Variants in PPM1H observed in about 807,000 individuals in gnomAD.
The protein encoded by PPM1H is protein phosphatase, Mg2+/Mn2+ dependent 1H, also known as protein phosphatase 1H.
Under a neutral mutation model 54.9 loss-of-function variants are expected in PPM1H, and 27 were observed. The ratio of observed to expected loss-of-function variants is 0.49; its 90% confidence interval spans 0.36 to 0.68. PPM1H has a LOEUF of 0.68. PPM1H is among the 30% of genes least tolerant of loss of function. The pLI, the probability that PPM1H is intolerant of heterozygous loss-of-function variation, is 0.00. For synonymous variants in PPM1H, 305 were observed against 270.8 expected, an observed-to-expected ratio of 1.13 and a Z score of -1.24; for missense variants, 596 against 667.8, an observed-to-expected ratio of 0.89 and a Z score of 1.19.
intron 1 of PPM1H, among the ~76,000 whole-genome samples, chr12:62,903,071 T>G (rs1871204884): frequency 6.6e-6 from 1 of 152,154 alleles, no homozygotes; most frequent in Non-Finnish European, 1.5e-5. Flanking sequence ...GACAACTCAC[T>G]ATGTGAGTTG....
intron 4 of PPM1H, among the ~76,000 whole-genome samples, chr12:62,759,154 G>A (rs1010570305): frequency 6.6e-6 from 1 of 152,178 alleles, no homozygotes; most frequent in African/African-American, 2.4e-5. Flanking sequence ...CAGCCATGTT[G>A]CTCACACAAA....
intron 1 of PPM1H, among the ~76,000 whole-genome samples, chr12:62,875,739 G>C (rs1389745215): frequency 6.6e-6 from 1 of 152,142 alleles, no homozygotes; most frequent in Non-Finnish European, 1.5e-5. Flanking sequence ...CACTGGGCTG[G>C]TTCAAAATGG....
chr12:62,883,571 G>A lies in PPM1H; in HGVS notation c.245+50921C>T, dbSNP rs562848866. Among the ~76,000 whole-genome samples the A allele has an allele frequency of 2.0e-5, 3 of 152,138 alleles. No individual in the cohort carries two copies. The South Asian group carries it at 6.2e-4, about 32-fold the overall frequency. On this transcript the variant is annotated intron_variant, in intron 1 of 9. Transcript: ENST00000228705. ...AACATAGCACCCAAACCTGACCATC[G>A]ATCTCTAACATGAGCAATACGGCAA...
At chr12:62,842,623 A>G (rs1868795735) in intron 1 of PPM1H, among the ~76,000 whole-genome samples, 1 of 152,228 alleles carries the variant, frequency 6.6e-6, no homozygotes, top group Admixed American at 6.5e-5. Flanking sequence ...TTTAAACCTT[A>G]AAGTAACACA....
intron 4 of PPM1H, among the ~76,000 whole-genome samples, chr12:62,738,791 A>C (rs1485592122): frequency 6.6e-6 from 1 of 152,112 alleles, no homozygotes; most frequent in East Asian, 1.9e-4. Flanking sequence ...ATCTGAGTGG[A>C]TGCCTCCTTC....
rs1033740848 is a variant in PPM1H, at chr12:62,714,567, C to T, written c.1073+5604G>A. 5.3e-5 allele frequency among the ~76,000 whole-genome samples: 8 copies of T among 152,104 alleles called. No homozygotes were observed. In the East Asian group the frequency reaches 5.8e-4, roughly 11 times the overall value. ...AAGCAGAGCAAAGCCTACCCCCTGC[C>T]GCCACCACACTTAGAGGTTCGCAGC... On this transcript the variant is annotated intron_variant, in intron 6 of 9. Coordinates refer to ENST00000228705, the MANE Select transcript of PPM1H (RefSeq NM_020700.2).
At chr12:62,759,920 G>T (rs2076498074) in intron 4 of PPM1H, among the ~76,000 whole-genome samples, 3 of 151,864 alleles carry the variant, frequency 2.0e-5, no homozygotes, top group African/African-American at 7.3e-5. Context: ...ACTTTCCTGG[G>T]GGGCAAGCAC....
chr12:62,909,827 G>A (rs1056072906), intron 1 of PPM1H, among the ~76,000 whole-genome samples: 3 of 152,130 alleles, frequency 2.0e-5, no homozygotes, highest in Admixed American at 6.6e-5. Context: ...CATCACCTTC[G>A]CACGTGGCAG....
intron 2 of PPM1H, among the ~76,000 whole-genome samples, chr12:62,813,414 G>T (rs1280072539): frequency 6.6e-6 from 1 of 152,188 alleles, no homozygotes. Context: ...TGACACTGGC[G>T]CCCTCGCGTG....
At position 62,737,592 on chromosome 12, in the gene PPM1H, A is replaced by C; in HGVS notation, c.870-6T>G. ...CATTTCTGATGATTATGGCCCTGAA[A>C]TGGTGAAAATGCATTGTCAGTAGCC... On this transcript the variant is annotated splice_region_variant and splice_polypyrimidine_tract_variant and intron_variant, in intron 4 of 9. Coordinates refer to ENST00000228705, the MANE Select transcript of PPM1H (RefSeq NM_020700.2). 3 of 1,535,950 alleles carry C rather than the reference A, an allele frequency of 2.0e-6. No individual in the cohort carries two copies. Among genetic ancestry groups the C allele is most frequent in the Non-Finnish European group, 2.7e-6 (3 of 1,128,552 alleles).
Position 62,934,245 on chromosome 12 carries a change from C to T in PPM1H, c.245+247G>A, listed in dbSNP as rs1354752743. 6.6e-6 allele frequency among the ~76,000 whole-genome samples: 1 copy of T among 152,188 alleles called. No homozygotes were observed. The highest frequency in any genetic ancestry group is 6.5e-5 in the Admixed American group (1 of 15,286). ...TGTCTCACCTTAGCTTTCCCACGCT[C>T]CAGCGCTGCCACCCACCCCTCCACC... On this transcript the variant is annotated intron_variant, in intron 1 of 9. Coordinates refer to ENST00000228705, the MANE Select transcript of PPM1H (RefSeq NM_020700.2). The surrounding 1 kb of genome is among the most constrained non-coding windows in gnomAD (Gnocchi z 4.2).
chr12:62,913,233 G>A (rs1490086174), intron 1 of PPM1H, among the ~76,000 whole-genome samples: 1 of 152,204 alleles, frequency 6.6e-6, no homozygotes, highest in Non-Finnish European at 1.5e-5. Context: ...GGAATGTGGT[G>A]AGAAAACTAG....
chr12:62,834,451 A>G (rs1224675165), intron 1 of PPM1H, among the ~76,000 whole-genome samples: 1 of 152,206 alleles, frequency 6.6e-6, no homozygotes, highest in East Asian at 1.9e-4. Flanking sequence ...GGGATTCAGA[A>G]TGAGCCTATC....
chr12:62,772,641 G>A (rs2076585869), intron 4 of PPM1H, among the ~76,000 whole-genome samples: 1 of 152,156 alleles, frequency 6.6e-6, no homozygotes, highest in African/African-American at 2.4e-5. Context: ...AGTGGTGCCA[G>A]CTGCAACTCT....
chr12:62,837,502 C>A (rs1046417423), intron 1 of PPM1H, among the ~76,000 whole-genome samples: 3 of 152,236 alleles, frequency 2.0e-5, no homozygotes, highest in Non-Finnish European at 4.4e-5. Flanking sequence ...CTCTCTCTCC[C>A]TCCCCACCAT....
intron 1 of PPM1H, among the ~76,000 whole-genome samples, chr12:62,887,381 C>T (rs1422609006): frequency 2.0e-5 from 3 of 152,188 alleles, no homozygotes; most frequent in African/African-American, 7.2e-5. Context: ...CTTGCTGCTC[C>T]TTAGGAATCT....
At chr12:62,907,869 T>G (rs2121131733) in intron 1 of PPM1H, among the ~76,000 whole-genome samples, 1 of 152,286 alleles carries the variant, frequency 6.6e-6, no homozygotes, top group East Asian at 1.9e-4. Flanking sequence ...CTTCTCCCCC[T>G]CATGGCTGTC....
chr12:62,720,237 G>A lies in PPM1H; in HGVS notation c.1007C>T (p.Pro336Leu). Residue 336 changes from proline to leucine, a missense_variant, in exon 6 of 10, where the codon CCA (proline) becomes CTA (leucine). By Grantham distance (98) the Pro-to-Leu change is moderately conservative. This residue lies in a region of PPM1H where 208 missense variants were observed against 259.5 expected (regional missense o/e 0.80). Coordinates refer to ENST00000228705, the MANE Select transcript of PPM1H (RefSeq NM_020700.2). ...AAGCTCCTTTCTCTGTACTCTCCTT[G>A]GAAACTCCAAATGTGTGAACTCATT... ...LGNEFTHLEFPRRVQRKELGK... is the reference protein window; with the variant it reads ...LGNEFTHLEFLRRVQRKELGK... The A allele has an allele frequency of 6.2e-7, 1 of 1,613,722 alleles. No individual in the cohort carries two copies. The highest frequency in any genetic ancestry group is 8.5e-7 in the Non-Finnish European group (1 of 1,179,762).
rs570465231 is a variant in PPM1H, at chr12:62,678,772, C to T, written c.1245+10927G>A. On this transcript the variant is annotated intron_variant, in intron 8 of 9. Coordinates refer to ENST00000228705, the MANE Select transcript of PPM1H (RefSeq NM_020700.2). ...ATGGCGTGATCTCAGCTCACTGCAGCCTCTATCTCCTGGGTTCAAGACATT... is the reference window on the plus strand; with the variant it reads ...ATGGCGTGATCTCAGCTCACTGCAGTCTCTATCTCCTGGGTTCAAGACATT... Among the ~76,000 whole-genome samples the T allele has an allele frequency of 7.9e-5, 12 of 152,210 alleles. No homozygotes were observed. The East Asian group carries it at 2.1e-3, about 27-fold the overall frequency.
Sources: allele counts gnomAD v4.1 joint callset (sites outside exome capture counted in the v4.1 genomes callset), GRCh38; gene constraint gnomAD v4.1.1; regional missense constraint gnomAD v4.1.1; non-coding constraint Gnocchi (gnomAD v3.1); transcripts MANE v1.5; gene names NCBI Gene and HGNC (gene_info 2026-07-23, HGNC 2026-07-21).